BRAP: variants seen among roughly 807,000 people sequenced by gnomAD.
The protein encoded by BRAP is BRCA1 associated protein, also known as BRCA1-associated protein.
In BRAP, 42 loss-of-function variants were observed where a neutral mutation model predicts 73.4. That is an observed-to-expected ratio of 0.57 (90% confidence interval 0.45 to 0.74). The LOEUF (loss-of-function observed/expected upper bound fraction) is 0.74, where lower values mean the gene tolerates loss of function less well. Ranked by LOEUF, BRAP falls within the 30% of genes least tolerant of loss-of-function variation. BRAP has a pLI of 0.00. For synonymous variants in BRAP, 255 were observed against 267.4 expected (o/e 0.95, Z 0.45); for missense variants, 593 against 751.4 (o/e 0.79, Z 2.46).
chr12:111,666,506 T>G (rs971315174), intron 5 of BRAP, among the ~76,000 whole-genome samples: 1 of 152,154 alleles, frequency 6.6e-6, no homozygotes, highest in African/African-American at 2.4e-5. Flanking sequence ...GTTCTAGGTG[T>G]GGAACAGTGG....
intron 2 of BRAP, 112 bp from the exon 3 acceptor site, chr12:111,681,947 A>C (rs1333771198): frequency 1.0e-6 from 1 of 959,542 alleles, no homozygotes; most frequent in Non-Finnish European, 1.5e-6. Context: ...AGTAATTACA[A>C]TGTAATGCAT....
intron 5 of BRAP, among the ~76,000 whole-genome samples, chr12:111,672,460 G>T (rs1365245576): frequency 6.6e-6 from 1 of 151,902 alleles, no homozygotes; most frequent in African/African-American, 2.4e-5. Context: ...TCTAATTCTA[G>T]AACACGTCCA....
chr12:111,676,475 G>A (rs1044048858), intron 4 of BRAP, among the ~76,000 whole-genome samples: 6 of 152,098 alleles, frequency 3.9e-5, no homozygotes, highest in Non-Finnish European at 5.9e-5. Flanking sequence ...GTACAGTGGT[G>A]TGATCTTGAC....
intron 11 of BRAP, among the ~76,000 whole-genome samples, chr12:111,647,277 A>G (rs549357642): frequency 1.3e-5 from 2 of 152,184 alleles, no homozygotes; most frequent in East Asian, 3.8e-4. Context: ...TTTCAACAAC[A>G]ACCACCACAA....
intron 4 of BRAP, among the ~76,000 whole-genome samples, chr12:111,676,109 C>T (rs1887370983): frequency 6.6e-6 from 1 of 151,340 alleles, no homozygotes; most frequent in South Asian, 2.1e-4. Context: ...AACCCCTGGC[C>T]TTAAGCAATA....
intron 5 of BRAP, among the ~76,000 whole-genome samples, chr12:111,666,731 A>G (rs1190133327): frequency 3.3e-5 from 5 of 152,216 alleles, no homozygotes; most frequent in African/African-American, 1.2e-4. Context: ...AGAAGACGAG[A>G]AAGAATTACT....
Position 111,677,513 on chromosome 12 carries a change from C to T in BRAP, c.633+1638G>A, listed in dbSNP as rs553924847. Among the ~76,000 whole-genome samples the T allele has an allele frequency of 4.5e-4, 69 of 152,306 alleles. 1 individual carries two copies. The South Asian group carries it at 0.013, about 30-fold the overall frequency. ...CTCCCTCTGCAGTCACCCTCCTCAT[C>T]TGTAAAACAAAGATAACAACACAGT... On this transcript the variant is annotated intron_variant, in intron 4 of 11. Coordinates refer to ENST00000419234, the MANE Select transcript of BRAP (RefSeq NM_006768.5).
intron 4 of BRAP, among the ~76,000 whole-genome samples, chr12:111,676,460 C>G (rs900163399): frequency 2.0e-5 from 3 of 152,080 alleles, no homozygotes; most frequent in Non-Finnish European, 4.4e-5. Context: ...GTTGCCCAGG[C>G]TGGAGTACAG....
At chr12:111,648,569 TCCACTGTACTCCAGCCTATTGCG>T (rs1289592019) in intron 11 of BRAP, among the ~76,000 whole-genome samples, 1 of 132,928 alleles carries the variant, frequency 7.5e-6, no homozygotes, top group South Asian at 2.4e-4. Context: ...CTGAGATCGC[TCCACTGTACTCCAGCCTATTGCG>T]CCACTGCACT....
chr12:111,660,055 C>T (rs1886687820), intron 7 of BRAP, among the ~76,000 whole-genome samples: 1 of 149,416 alleles, frequency 6.7e-6, no homozygotes, highest in African/African-American at 2.5e-5. Flanking sequence ...GCCTGGGTAA[C>T]AGAATGATAC....
intron 8 of BRAP, 75 bp downstream of exon 8, chr12:111,659,132 G>C: frequency 6.6e-7 from 1 of 1,514,168 alleles, no homozygotes; most frequent in Non-Finnish European, 9.0e-7. Context: ...CAAGCTGGGA[G>C]GGAAAGTGAA....
At position 111,650,905 on chromosome 12, in the gene BRAP, T is replaced by C. The variant is rs529204544; in HGVS notation, c.1312-863A>G. Among the ~76,000 whole-genome samples, 7 of 152,216 alleles carry C rather than the reference T, an allele frequency of 4.6e-5. No homozygotes were observed. In the East Asian group the frequency reaches 1.3e-3, roughly 29 times the overall value. ...ACACAGCCTTAAAAACATAAGAGAA[T>C]TAAAAAATTCTGATGTATAACATAT... On this transcript the variant is annotated intron_variant, in intron 10 of 11. Transcript: ENST00000419234.
intron 10 of BRAP, among the ~76,000 whole-genome samples, chr12:111,652,515 G>A (rs1044458204): frequency 1.3e-5 from 2 of 152,098 alleles, no homozygotes; most frequent in Non-Finnish European, 2.9e-5. Flanking sequence ...TAGCCACTGC[G>A]CCTGGCCAGA....
chr12:111,665,917 A>C lies in BRAP; in HGVS notation c.748-130T>G. The C allele has an allele frequency of 7.0e-6, 9 of 1,277,460 alleles. No homozygotes were observed. Among genetic ancestry groups the C allele is most frequent in the Non-Finnish European group, 8.6e-6 (8 of 928,600 alleles). The allele number at this position is 1,277,460 out of a possible 1,614,324, so 79.1% of individuals were successfully genotyped here. A position where few individuals can be genotyped will look rare whatever the true frequency, so the allele number is the denominator to read the frequency against. ...GAGCCCAGTGGCGCAATCATGGCTC[A>C]TTACAGCCTTGACCTCCCAGGCTCA... On this transcript the variant is annotated intron_variant, in intron 5 of 11. Coordinates refer to ENST00000419234, the MANE Select transcript of BRAP (RefSeq NM_006768.5). This position sits in a 1 kb window ranked among gnomAD's most constrained non-coding sequence, Gnocchi z 4.3.
At chr12:111,670,860 G>GA (rs1018987112) in intron 5 of BRAP, among the ~76,000 whole-genome samples, 3 of 152,094 alleles carry the variant, frequency 2.0e-5, no homozygotes, top group African/African-American at 7.2e-5. Flanking sequence ...AACACTTTGG[G>GA]AGGCCAAAGT....
chr12:111,680,371 T>C (rs759422276), intron 3 of BRAP, among the ~76,000 whole-genome samples: 1 of 152,098 alleles, frequency 6.6e-6, no homozygotes, highest in African/African-American at 2.4e-5. Flanking sequence ...TTTTTTGAAA[T>C]GCTGCAAACT....
chr12:111,659,176 A>G lies in BRAP; in HGVS notation c.1111+31T>C, dbSNP rs772492534. ...GAAGGCAAAGTTTCCACACAGAATG[A>G]GTCCAAATTAGAAAAGAGAGTGGTA... On this transcript the variant is annotated intron_variant, in intron 8 of 11. Coordinates refer to ENST00000419234, the MANE Select transcript of BRAP (RefSeq NM_006768.5). The G allele has an allele frequency of 5.0e-6, 8 of 1,602,350 alleles. No homozygotes were observed. The South Asian group carries it at 8.8e-5, about 18-fold the overall frequency.
intron 5 of BRAP, chr12:111,670,246 G>A (rs1887114570): frequency 1.7e-6 from 1 of 598,322 alleles, no homozygotes; most frequent in Non-Finnish European, 3.3e-6. Context: ...TGCTGCGACT[G>A]GAACTTTCCC....
chr12:111,681,737 G>C lies in BRAP; in HGVS notation c.343C>G (p.Pro115Ala), dbSNP rs1448137598. The C allele has an allele frequency of 1.2e-6, 2 of 1,613,992 alleles. No homozygotes were observed. Among genetic ancestry groups the C allele is most frequent in the Non-Finnish European group, 1.7e-6 (2 of 1,180,008 alleles). ...GGAAGCTGTTTGGACGGAGAATCTG[G>C]GGCAGCGTTTATGCATTCCTTACTG... ...DHSKECINAAPDSPSKQLPDQ... is the reference protein window; with the variant it reads ...DHSKECINAAADSPSKQLPDQ... The change falls in exon 3 of 12, where the codon CCA becomes GCA. Residue 115 changes from proline (P) to alanine (A), a missense_variant. Pro to Ala is a conservative substitution (Grantham distance 27). This residue lies in a region of BRAP where 304 missense variants were observed against 337.7 expected (regional missense o/e 0.90). Transcript: ENST00000419234.
Sources: allele counts gnomAD v4.1 joint callset (sites outside exome capture counted in the v4.1 genomes callset), GRCh38; gene constraint gnomAD v4.1.1; regional missense constraint gnomAD v4.1.1; non-coding constraint Gnocchi (gnomAD v3.1); transcripts MANE v1.5; gene names NCBI Gene and HGNC (gene_info 2026-07-23, HGNC 2026-07-21).